Variants in SSH2 observed in about 807,000 individuals in gnomAD.
The protein encoded by SSH2 is slingshot protein phosphatase 2, also known as protein phosphatase Slingshot homolog 2.
Under a neutral mutation model 135.2 loss-of-function variants are expected in SSH2, and 37 were observed. The ratio of observed to expected loss-of-function variants is 0.27; its 90% CI spans 0.21 to 0.36. The LOEUF (loss-of-function observed/expected upper bound fraction) is 0.36. Among genes scored for constraint, SSH2 ranks in the 10% least tolerant of loss-of-function variants. The pLI is 1.00. For missense variants in SSH2, 1,408 were observed against 1,765.3 expected, an observed-to-expected ratio of 0.80 and a Z score of 3.63; for synonymous variants, 628 against 646.2, an observed-to-expected ratio of 0.97 and a Z score of 0.43.
chr17:29,831,292 A>C lies in SSH2; in HGVS notation c.144+17557T>G, dbSNP rs144445131. Among the ~76,000 whole-genome samples the C allele has an allele frequency of 2.4e-3, 369 of 152,306 alleles. 2 individuals carry two copies. Among genetic ancestry groups the C allele is most frequent in the Middle Eastern group, 6.8e-3 (2 of 294 alleles). Reference sequence around the variant, plus strand: ...GCTACTCAGTTCCAAGGCTCTTCACAGTAGCCTGCAGAGATTCAGACTTAA... The same window carrying C: ...GCTACTCAGTTCCAAGGCTCTTCACCGTAGCCTGCAGAGATTCAGACTTAA... On this transcript the variant is annotated intron_variant, in intron 2 of 15. Coordinates refer to ENST00000540801, the MANE Select transcript of SSH2 (RefSeq NM_001282129.2).
Position 29,632,029 on chromosome 17 carries a change from A to G in SSH2, c.3165T>C (p.Ser1055=), listed in dbSNP as rs1188407017. The G allele has an allele frequency of 6.2e-7, 1 of 1,613,734 alleles. No individual in the cohort carries two copies. The highest frequency in any genetic ancestry group is 2.2e-5 in the East Asian group (1 of 44,868). Residue 1055 remains serine, a synonymous_variant, in exon 16 of 16, where the codon AGT becomes AGC. Transcript: ENST00000540801. ...VTSPNHTGPG[S]EIATSEKSGE... ...CGCTCTTCTCACTGGTGGCTATTTC[A>G]CTCCCTGGCCCAGTGTGATTGGGTG...
At chr17:29,651,587 G>A (rs1050022621) in intron 12 of SSH2, among the ~76,000 whole-genome samples, 14 of 152,178 alleles carry the variant, frequency 9.2e-5, no homozygotes, top group African/African-American at 3.4e-4. Context: ...AGACATAGCT[G>A]GATGTCTAAG....
chr17:29,775,069 C>T (rs2041668793), intron 3 of SSH2, among the ~76,000 whole-genome samples: 1 of 152,114 alleles, frequency 6.6e-6, no homozygotes, highest in South Asian at 2.1e-4. Context: ...AACCAAATAA[C>T]AAAACAAAAC....
At chr17:29,871,860 A>G (rs2065941689) in intron 1 of SSH2, among the ~76,000 whole-genome samples, 1 of 152,228 alleles carries the variant, frequency 6.6e-6, no homozygotes, top group Non-Finnish European at 1.5e-5. Context: ...ACAGAATTTA[A>G]AGAAATAGAG....
intron 2 of SSH2, among the ~76,000 whole-genome samples, chr17:29,805,248 C>T (rs756028223): frequency 1.7e-4 from 26 of 151,920 alleles, no homozygotes; most frequent in Non-Finnish European, 3.5e-4. Context: ...CTCTGCCTCC[C>T]GGGTTCACGC....
At chr17:29,879,184 C>T (rs925575600) in intron 1 of SSH2, among the ~76,000 whole-genome samples, 2 of 152,036 alleles carry the variant, frequency 1.3e-5, no homozygotes, top group Non-Finnish European at 2.9e-5. Context: ...CTAATTTAAA[C>T]TAAGAATATT....
chr17:29,699,843 C>T (rs2038906570), intron 4 of SSH2, among the ~76,000 whole-genome samples: 1 of 152,120 alleles, frequency 6.6e-6, no homozygotes, highest in Admixed American at 6.5e-5. Flanking sequence ...AGTGTCCTCC[C>T]CTACCCGACC....
At chr17:29,667,638 T>C (rs2037334274) in intron 9 of SSH2, among the ~76,000 whole-genome samples, 1 of 152,206 alleles carries the variant, frequency 6.6e-6, no homozygotes. Context: ...GCTCCGTCTG[T>C]GGAAACTGGT....
intron 2 of SSH2, among the ~76,000 whole-genome samples, chr17:29,837,040 T>C (rs1408817557): frequency 6.6e-6 from 1 of 152,080 alleles, no homozygotes; most frequent in Non-Finnish European, 1.5e-5. Flanking sequence ...GCGGATCACT[T>C]GAGGTCAGGA....
intron 2 of SSH2, among the ~76,000 whole-genome samples, chr17:29,823,878 C>CAAA (rs60064865): frequency 0.052 from 4,428 of 84,790 alleles, 200 homozygotes; most frequent in African/African-American, 0.13. Context: ...GACTCTGTCT[C>CAAA]AAAAAAAAAA....
intron 3 of SSH2, among the ~76,000 whole-genome samples, chr17:29,739,995 ATC>A (rs1406700081): frequency 6.6e-6 from 1 of 152,220 alleles, no homozygotes; most frequent in Non-Finnish European, 1.5e-5. Flanking sequence ...TGAACTGAAC[ATC>A]TCTCTGGCTG....
At chr17:29,812,571 A>G (rs111733934) in intron 2 of SSH2, among the ~76,000 whole-genome samples, 9,475 of 152,260 alleles carry the variant, frequency 0.062, 552 homozygotes, top group African/African-American at 0.16. Context: ...GGTGTCAGCC[A>G]CTACGCCCAG....
intron 1 of SSH2, among the ~76,000 whole-genome samples, chr17:29,869,167 A>T (rs2065902273): frequency 6.6e-6 from 1 of 152,192 alleles, no homozygotes; most frequent in Non-Finnish European, 1.5e-5. Context: ...ACGGACAGAG[A>T]TTCTAGAGAG....
intron 1 of SSH2, among the ~76,000 whole-genome samples, chr17:29,893,928 T>G (rs2066396708): frequency 6.6e-6 from 1 of 152,108 alleles, no homozygotes; most frequent in Non-Finnish European, 1.5e-5. Flanking sequence ...TCTTTTTCAG[T>G]CTTATTTGCA....
chr17:29,909,865 T>C (rs922339287), intron 1 of SSH2, among the ~76,000 whole-genome samples: 7 of 152,246 alleles, frequency 4.6e-5, no homozygotes, highest in Admixed American at 3.3e-4. Context: ...TACGACTTTA[T>C]TTTCAGTAAA....
At chr17:29,838,433 C>G (rs1021143756) in intron 2 of SSH2, among the ~76,000 whole-genome samples, 2 of 152,224 alleles carry the variant, frequency 1.3e-5, no homozygotes, top group African/African-American at 4.8e-5. Context: ...GAAGTCCCAC[C>G]TGCAAGCCAC....
Position 29,632,514 on chromosome 17 carries a change from T to C in SSH2, c.2680A>G (p.Arg894Gly). The change falls in exon 16 of 16, where the codon AGG becomes GGG. Residue 894 changes from arginine (R) to glycine (G), a missense_variant. Physicochemically the swap from Arg to Gly is moderately radical, Grantham distance 125 (BLOSUM62 -2). This residue lies in a region of SSH2 where 1,080 missense variants were observed against 1,144.5 expected (regional missense o/e 0.94). Transcript: ENST00000540801. ...PGAKWYPGSV[R>G]RATLEFEERL... ...TCTTCGAACTCCAAGGTGGCTCGCC[T>C]CACAGACCCAGGGTACCACTTGGCA... is the stretch of plus-strand genomic sequence containing the variant. 3.1e-6 allele frequency: 5 copies of C among 1,614,178 alleles called. No homozygotes were observed. Among genetic ancestry groups the C allele is most frequent in the Non-Finnish European group, 4.2e-6 (5 of 1,180,014 alleles).
chr17:29,652,778 C>G (rs2036629867), intron 12 of SSH2, among the ~76,000 whole-genome samples: 1 of 152,146 alleles, frequency 6.6e-6, no homozygotes, highest in South Asian at 2.1e-4. Context: ...CTGCCTCAGC[C>G]TCCCGAGTAG....
intron 4 of SSH2, among the ~76,000 whole-genome samples, chr17:29,697,216 T>C (rs1420165184): frequency 6.6e-6 from 1 of 152,062 alleles, no homozygotes; most frequent in African/African-American, 2.4e-5. Flanking sequence ...ATTATGAAAA[T>C]CTGTGAACAA....
Sources: allele counts gnomAD v4.1 joint callset (sites outside exome capture counted in the v4.1 genomes callset), GRCh38; gene constraint gnomAD v4.1.1; regional missense constraint gnomAD v4.1.1; transcripts MANE v1.5; gene names NCBI Gene and HGNC (gene_info 2026-07-23, HGNC 2026-07-21).